Variants in POLD3 observed in about 807,000 individuals in gnomAD.
The protein encoded by POLD3 is DNA polymerase delta 3, accessory subunit, also known as DNA polymerase delta subunit 3.
A neutral mutation model predicts 58.2 loss-of-function variants in POLD3; 19 were observed. The ratio of observed to expected loss-of-function variants is 0.33; its 90% CI spans 0.23 to 0.48. The LOEUF (loss-of-function observed/expected upper bound fraction) is 0.48, where lower values mean the gene tolerates loss of function less well. Among genes scored for constraint, POLD3 ranks in the 20% least tolerant of loss-of-function variants. The pLI, the probability that POLD3 is intolerant of heterozygous loss-of-function variation, is 0.99. For missense variants in POLD3, 504 were observed against 545.5 expected, an observed-to-expected ratio of 0.92 and a Z score of 0.76; for synonymous variants, 172 against 193.5, an observed-to-expected ratio of 0.89 and a Z score of 0.92.
intron 2 of POLD3, chr11:74,595,018 T>C (rs2031179194): frequency 6.6e-6 from 1 of 152,232 alleles, no homozygotes; most frequent in African/African-American, 2.4e-5. Flanking sequence ...GAGATAATTC[T>C]GTATTTAACA....
At chr11:74,604,871 G>A (rs11501746) in intron 3 of POLD3, 77 bp downstream of exon 3, 1 of 762,828 alleles carries the variant, frequency 1.3e-6, no homozygotes, top group African/African-American at 1.8e-5. Context: ...TCAGGGGAGA[G>A]AAAAAAATCA....
chr11:74,613,863 A>G (rs937637759), intron 5 of POLD3, among the ~76,000 whole-genome samples: 2 of 152,224 alleles, frequency 1.3e-5, no homozygotes, highest in African/African-American at 4.8e-5. Context: ...TTGGGGGAAG[A>G]TGTTGGCAGG....
At chr11:74,668,782 C>T (rs773824998) in exon 5 of POLD3, 256 of 1,288,128 alleles carry the variant, frequency 2.0e-4, no homozygotes, top group Middle Eastern at 4.2e-4. Flanking sequence ...TACAGTGGTG[C>T]TGGACATGCA....
At position 74,642,865 on chromosome 11, in the gene POLD3, A is replaced by C. The variant is rs2032949338; in HGVS notation, c.*2099A>C. 2 of 985,020 alleles carry C rather than the reference A, an allele frequency of 2.0e-6. No individual in the cohort carries two copies. Among genetic ancestry groups the C allele is most frequent in the South Asian group, 9.4e-5 (2 of 21,282 alleles). The allele number at this position is 985,020 out of a possible 1,614,324, so 61.0% of individuals were successfully genotyped here. A position where few individuals can be genotyped will look rare whatever the true frequency, so the allele number is the denominator to read the frequency against. ...TGCATACCCACAGTCTGAGATGAAC[A>C]AGTTATTTGCTGCCTTCATCGTTTT... On this transcript the variant is annotated 3_prime_UTR_variant, in exon 12 of 12. Coordinates refer to ENST00000263681, the MANE Select transcript of POLD3 (RefSeq NM_006591.3).
intron 10 of POLD3, 147 bp from the exon 11 acceptor site, chr11:74,636,050 G>T (rs766019104): frequency 2.8e-6 from 2 of 726,336 alleles, no homozygotes; most frequent in Non-Finnish European, 4.5e-6. Flanking sequence ...GATGGGGTTG[G>T]TTCTCTAAAA....
At chr11:74,651,176 C>T (rs2033064644) in intron 4 of POLD3, among the ~76,000 whole-genome samples, 1 of 152,178 alleles carries the variant, frequency 6.6e-6, no homozygotes, top group Non-Finnish European at 1.5e-5. Flanking sequence ...CATTCTATCT[C>T]CAGTACCTAG....
chr11:74,611,621 G>A (rs897097110), intron 4 of POLD3, 83 bp downstream of exon 4: 16 of 729,036 alleles, frequency 2.2e-5, no homozygotes, highest in African/African-American at 7.4e-5. Flanking sequence ...TAACATCTGC[G>A]TATAATATAT....
In POLD3 at chr11:74,642,742, T is replaced by A. The variant is rs956512623; in HGVS notation, c.*1976T>A. 1 of 983,954 alleles carries A rather than the reference T, an allele frequency of 1.0e-6. No individual in the cohort carries two copies. The highest frequency in any genetic ancestry group is 1.7e-5 in the African/African-American group (1 of 57,304). 61.0% of individuals were successfully genotyped at this position (983,954 alleles called of 1,614,324 possible). A position where few individuals can be genotyped will look rare whatever the true frequency, so the allele number is the denominator to read the frequency against. On this transcript the variant is annotated 3_prime_UTR_variant, in exon 12 of 12. Coordinates refer to ENST00000263681, the MANE Select transcript of POLD3 (RefSeq NM_006591.3). Reference sequence around the variant, plus strand: ...TTTTAAAACAGTGCTTCAAACTGAGTATCTGATGAGTCTCTTATTTGATGG... The same window carrying A: ...TTTTAAAACAGTGCTTCAAACTGAGAATCTGATGAGTCTCTTATTTGATGG...
intron 11 of POLD3, among the ~76,000 whole-genome samples, chr11:74,640,278 G>A (rs755293562): frequency 6.6e-6 from 1 of 152,190 alleles, no homozygotes; most frequent in African/African-American, 2.4e-5. Flanking sequence ...AAAGGATTTA[G>A]GCAATTCACT....
At chr11:74,604,475 C>G (rs1352480224) in intron 2 of POLD3, 2 of 495,100 alleles carry the variant, frequency 4.0e-6, no homozygotes, top group Non-Finnish European at 7.2e-6. Flanking sequence ...GTACTGATCA[C>G]TGTGCCAGCT....
chr11:74,655,328 ACT>A lies in POLD3; in HGVS notation c.370-13446_370-13445del, dbSNP rs1331193896. ...AGAGATCAATGGTCCCGCACCACAGACTCTATAGATTTAGTCTAGGCAAGTTA... is the reference window on the plus strand; with the variant it reads ...AGAGATCAATGGTCCCGCACCACAGACTATAGATTTAGTCTAGGCAAGTTA... On this transcript the variant is annotated intron_variant, in intron 4 of 4. Transcript: ENST00000524752. 5.9e-5 allele frequency among the ~76,000 whole-genome samples: 9 copies of A among 152,344 alleles called. 1 individual carries two copies. Among genetic ancestry groups the A allele is most frequent in the South Asian group, 2.1e-4 (1 of 4,834 alleles).
intron 10 of POLD3, 56 bp downstream of exon 10, chr11:74,634,751 T>A: frequency 1.0e-6 from 1 of 963,384 alleles, no homozygotes; most frequent in Non-Finnish European, 1.7e-6. Flanking sequence ...CTTAAGGACC[T>A]ACAACCACTA....
At chr11:74,611,326 T>C (rs2031904262) in intron 3 of POLD3, among the ~76,000 whole-genome samples, 173 bp from the exon 4 acceptor site, 1 of 152,238 alleles carries the variant, frequency 6.6e-6, no homozygotes. Flanking sequence ...TTTTTTTTCC[T>C]GAAAGTAAGC....
Position 74,618,639 on chromosome 11 carries a change from G to C in POLD3, c.495G>C (p.Glu165Asp). Residue 165 changes from glutamate (E) to aspartate (D), a missense_variant, in exon 6 of 12, where the codon GAG (glutamate) becomes GAC (aspartate). Physicochemically the swap from Glu to Asp is conservative, Grantham distance 45. Coordinates refer to ENST00000263681, the MANE Select transcript of POLD3 (RefSeq NM_006591.3). ...FEQSHLHMSS[E>D]TQANNELTTN... Reference sequence around the variant, plus strand: ...AGTCACATCTTCACATGTCAAGTGAGACACAAGCCAACAATGAGCTGACCA... The same window carrying C: ...AGTCACATCTTCACATGTCAAGTGACACACAAGCCAACAATGAGCTGACCA... 2 of 1,614,122 alleles carry C rather than the reference G, an allele frequency of 1.2e-6. No homozygotes were observed. Among genetic ancestry groups the C allele is most frequent in the Non-Finnish European group, 1.7e-6 (2 of 1,180,018 alleles).
rs1166203074 is a variant in POLD3 at position 74,618,699 on chromosome 11, T to A, written c.555T>A (p.Val185=). The stretch of plus-strand genomic sequence containing the variant: ...ATGGCCCACCTGCATCCAAGCAGGT[T>A]TCCCAGCAGCCCAAAGGAATTATGG... ...NGHGPPASKQ[V]SQQPKGIMGM... is the part of the protein sequence containing the mutation. Residue 185 remains valine (V), a synonymous_variant, in exon 6 of 12, where the codon GTT becomes GTA. Coordinates refer to ENST00000263681, the MANE Select transcript of POLD3 (RefSeq NM_006591.3). 1 of 1,614,116 alleles carries A rather than the reference T, an allele frequency of 6.2e-7. No homozygotes were observed. Among genetic ancestry groups the A allele is most frequent in the South Asian group, 1.1e-5 (1 of 91,084 alleles).
intron 9 of POLD3, among the ~76,000 whole-genome samples, chr11:74,634,294 T>A (rs1346344541): frequency 1.3e-5 from 2 of 152,232 alleles, no homozygotes; most frequent in African/African-American, 4.8e-5. Flanking sequence ...TGAAAGGCGA[T>A]AAGTGGATAT....
At chr11:74,627,821 CTG>C (rs907611118) in intron 8 of POLD3, among the ~76,000 whole-genome samples, 4 of 152,158 alleles carry the variant, frequency 2.6e-5, no homozygotes, top group African/African-American at 4.8e-5. Context: ...TGAGTATACT[CTG>C]TGATGTTCAC....
At chr11:74,664,373 C>A (rs2033240873) in intron 4 of POLD3, among the ~76,000 whole-genome samples, 1 of 152,196 alleles carries the variant, frequency 6.6e-6, no homozygotes, top group Non-Finnish European at 1.5e-5. Context: ...ACCCAAATAT[C>A]TATCAACAGG....
intron 2 of POLD3, among the ~76,000 whole-genome samples, chr11:74,599,121 C>T (rs2031387564): frequency 6.6e-6 from 1 of 152,148 alleles, no homozygotes; most frequent in Admixed American, 6.5e-5. Context: ...TAGCCATGAC[C>T]TCCTAGGCTT....
Sources: allele counts gnomAD v4.1 joint callset (sites outside exome capture counted in the v4.1 genomes callset), GRCh38; gene constraint gnomAD v4.1.1; transcripts MANE v1.5; gene names NCBI Gene and HGNC (gene_info 2026-07-23, HGNC 2026-07-21).